ALKBH6: variants seen among roughly 807,000 people sequenced by gnomAD.
The protein encoded by ALKBH6 is probable RNA/DNA demethylase ALKBH6.
A neutral mutation model predicts 25.1 loss-of-function variants in ALKBH6; 20 were observed. The ratio of observed to expected loss-of-function variants is 0.80; its 90% CI spans 0.56 to 1.16. The LOEUF (loss-of-function observed/expected upper bound fraction) is 1.16, where lower values mean the gene tolerates loss of function less well. Among genes scored for constraint, ALKBH6 ranks in the 50% most tolerant of loss-of-function variants. ALKBH6 has a pLI of 0.00. For synonymous variants in ALKBH6, 156 were observed against 147.5 expected (o/e 1.06, Z -0.42); for missense variants, 263 against 326.5 (o/e 0.81, Z 1.50).
At chr19:36,011,174 C>T (rs1968602794) in intron 4 of ALKBH6, 129 bp from the exon 5 acceptor site, 1 of 1,326,214 alleles carries the variant, frequency 7.5e-7, no homozygotes, top group Non-Finnish European at 1.0e-6. Flanking sequence ...CCACTGGGTC[C>T]TTCAGAGGTT....
At position 36,013,965 on chromosome 19, in the gene ALKBH6, G is replaced by A; in HGVS notation, c.-26+210C>T. On this transcript the variant is annotated intron_variant, in intron 1 of 6. Transcript: ENST00000378875. The surrounding 1 kb of genome is among the most constrained non-coding windows in gnomAD (Gnocchi z 4.6). ...ACGCCCCTCGGATTTCCCCTCCTGA[G>A]CGCCCCTTCACTCCAGCACCCTGAG... is the stretch of plus-strand genomic sequence containing the variant. 7.2e-7 allele frequency: 1 copy of A among 1,380,842 alleles called. No individual in the cohort carries two copies. The highest frequency in any genetic ancestry group is 3.0e-5 in the East Asian group (1 of 33,360). The allele number at this position is 1,380,842 out of a possible 1,614,324, so 85.5% of individuals were successfully genotyped here.
chr19:36,009,247 A>C lies in ALKBH6; in HGVS notation c.*43T>G, dbSNP rs958074929. 10 of 1,281,428 alleles carry C rather than the reference A, an allele frequency of 7.8e-6. No individual in the cohort carries two copies. Among genetic ancestry groups the C allele is most frequent in the Non-Finnish European group, 9.9e-6 (10 of 1,015,070 alleles). 79.4% of individuals were successfully genotyped at this position (1,281,428 alleles called of 1,614,324 possible). ...GGTCGCGGAGTCACAGCAGCCCCAAAGGGGCAGGAACCTGGGAATCCGAGG... is the reference window on the plus strand; with the variant it reads ...GGTCGCGGAGTCACAGCAGCCCCAACGGGGCAGGAACCTGGGAATCCGAGG... On this transcript the variant is annotated 3_prime_UTR_variant, in exon 7 of 7. Coordinates refer to ENST00000378875, the MANE Select transcript of ALKBH6 (RefSeq NM_032878.5).
At position 36,009,354 on chromosome 19, in the gene ALKBH6, C is replaced by G; in HGVS notation, c.653G>C (p.Arg218Pro). 1.5e-6 allele frequency: 2 copies of G among 1,306,710 alleles called. No individual in the cohort carries two copies. Among genetic ancestry groups the G allele is most frequent in the Non-Finnish European group, 1.9e-6 (2 of 1,027,332 alleles). 80.9% of individuals were successfully genotyped at this position (1,306,710 alleles called of 1,614,324 possible). A position where few individuals can be genotyped will look rare whatever the true frequency, so the allele number is the denominator to read the frequency against. Residue 218 changes from arginine (R) to proline (P), a missense_variant, in exon 7 of 7, where the codon CGG (arginine) becomes CCG (proline). By Grantham distance (103) the Arg-to-Pro change is moderately radical. This residue lies in a region of ALKBH6 where 148 missense variants were observed against 157.5 expected (regional missense o/e 0.94). Coordinates refer to ENST00000378875, the MANE Select transcript of ALKBH6 (RefSeq NM_032878.5). ...CACGCGGCGGATGGTCAGCGAGACC[C>G]GGGTGCCGCGCACCAGGCAGGCTCC... is the stretch of plus-strand genomic sequence containing the variant. ...RPGACLVRGTRVSLTIRRVPR... is the reference protein window; with the variant it reads ...RPGACLVRGTPVSLTIRRVPR...
Position 36,010,912 on chromosome 19 carries a change from C to G in ALKBH6, c.318G>C (p.Leu106=), listed in dbSNP as rs908047721. 2 of 1,613,968 alleles carry G rather than the reference C, an allele frequency of 1.2e-6. No individual in the cohort carries two copies. The highest frequency in any genetic ancestry group is 1.7e-6 in the Non-Finnish European group (2 of 1,179,944). Residue 106 remains leucine (L), a synonymous_variant, in exon 5 of 7, where the codon CTG becomes CTC. Coordinates refer to ENST00000378875, the MANE Select transcript of ALKBH6 (RefSeq NM_032878.5). This position sits in a 1 kb window ranked among gnomAD's most constrained non-coding sequence, Gnocchi z 5.5. ...PANHVLVNQY[L]PGEGIMPHED... The stretch of plus-strand genomic sequence containing the variant: ...TGGTTACCATGATGCCCTCCCCAGG[C>G]AGATACTGGTTCACGAGGACATGGT...
At position 36,013,733 on chromosome 19, in the gene ALKBH6, A is replaced by G; in HGVS notation, c.-25-311T>C. On this transcript the variant is annotated intron_variant, in intron 1 of 6. Coordinates refer to ENST00000378875, the MANE Select transcript of ALKBH6 (RefSeq NM_032878.5). This position sits in a 1 kb window ranked among gnomAD's most constrained non-coding sequence, Gnocchi z 4.6. Reference sequence around the variant, plus strand: ...CCCCACACACAGGGAGCCTTTCTCAAAAGCTCTACACATAGCCCCCAGGGC... The same window carrying G: ...CCCCACACACAGGGAGCCTTTCTCAGAAGCTCTACACATAGCCCCCAGGGC... 1 of 1,254,998 alleles carries G rather than the reference A, an allele frequency of 8.0e-7. No homozygotes were observed. Among genetic ancestry groups the G allele is most frequent in the Non-Finnish European group, 1.0e-6 (1 of 994,528 alleles). The allele number at this position is 1,254,998 out of a possible 1,614,324, so 77.7% of individuals were successfully genotyped here. A position where few individuals can be genotyped will look rare whatever the true frequency, so the allele number is the denominator to read the frequency against.
Position 36,010,691 on chromosome 19 carries a change from G to T in ALKBH6, c.337-8C>A. The T allele has an allele frequency of 6.2e-7, 1 of 1,612,650 alleles. No individual in the cohort carries two copies. On this transcript the variant is annotated splice_region_variant and splice_polypyrimidine_tract_variant and intron_variant, in intron 5 of 6. Coordinates refer to ENST00000378875, the MANE Select transcript of ALKBH6 (RefSeq NM_032878.5). The surrounding 1 kb of genome is among the most constrained non-coding windows in gnomAD (Gnocchi z 5.5). ...TGGTCCGTCCTCGTGGGGCTAGGGA[G>T]TGGGCACCAGGGCTGGGCAGGGCAG...
chr19:36,009,187 T>C lies in ALKBH6; in HGVS notation c.*103A>G, dbSNP rs187239450. 1.8e-5 allele frequency: 22 copies of C among 1,214,168 alleles called. 1 individual carries two copies. The African/African-American group carries it at 1.9e-4, about 10-fold the overall frequency. The allele number at this position is 1,214,168 out of a possible 1,614,324, so 75.2% of individuals were successfully genotyped here. A position where few individuals can be genotyped will look rare whatever the true frequency, so the allele number is the denominator to read the frequency against. On this transcript the variant is annotated 3_prime_UTR_variant, in exon 7 of 7. Coordinates refer to ENST00000378875, the MANE Select transcript of ALKBH6 (RefSeq NM_032878.5). ...CACACAAAATTATTGGGAAAATAAA[T>C]AACCCAGGGGAGCCCCCTTTGCCCA...
intron 3 of ALKBH6, 49 bp downstream of exon 3, chr19:36,012,972 A>G: frequency 6.5e-7 from 1 of 1,543,480 alleles, no homozygotes; most frequent in Non-Finnish European, 9.0e-7. Context: ...GACATTGGGG[A>G]GGAATATGGG....
At position 36,013,805 on chromosome 19, in the gene ALKBH6, T is replaced by C; in HGVS notation, c.-26+370A>G. 1 of 1,275,706 alleles carries C rather than the reference T, an allele frequency of 7.8e-7. No homozygotes were observed. The allele number at this position is 1,275,706 out of a possible 1,614,324, so 79.0% of individuals were successfully genotyped here. ...ACACCTTGAGACCCCGCTTCAGACC[T>C]GCAACTGTGAGCCCGGCTATCAACA... On this transcript the variant is annotated intron_variant, in intron 1 of 6. Coordinates refer to ENST00000378875, the MANE Select transcript of ALKBH6 (RefSeq NM_032878.5). The surrounding 1 kb of genome is among the most constrained non-coding windows in gnomAD (Gnocchi z 4.6).
At position 36,014,162 on chromosome 19, in the gene ALKBH6, C is replaced by T. The variant is rs1197085655; in HGVS notation, c.-26+13G>A. Reference sequence around the variant, plus strand: ...GACATCCATCTCTACCCCCAGCACTCCCCAAAACTGACCGTCCACCAGCGT... The same window carrying T: ...GACATCCATCTCTACCCCCAGCACTTCCCAAAACTGACCGTCCACCAGCGT... On this transcript the variant is annotated intron_variant, in intron 1 of 6. Coordinates refer to ENST00000378875, the MANE Select transcript of ALKBH6 (RefSeq NM_032878.5). 1 of 1,612,592 alleles carries T rather than the reference C, an allele frequency of 6.2e-7. No individual in the cohort carries two copies. The highest frequency in any genetic ancestry group is 8.5e-7 in the Non-Finnish European group (1 of 1,179,364).
rs565721671 is a variant in ALKBH6, at chr19:36,010,679, T to G, written c.341A>C (p.His114Pro). The change falls in exon 6 of 7, where the codon CAC becomes CCC. Residue 114 changes from histidine to proline, a missense_variant. This residue lies in a region of ALKBH6 where 112 missense variants were observed against 153.0 expected (regional missense o/e 0.73). Transcript: ENST00000378875. The surrounding 1 kb of genome is among the most constrained non-coding windows in gnomAD (Gnocchi z 5.5). ...CGGGTAGTACAGTGGTCCGTCCTCG[T>G]GGGGCTAGGGAGTGGGCACCAGGGC... Reference protein sequence around the residue: ...QYLPGEGIMPHEDGPLYYPTV... With the variant: ...QYLPGEGIMPPEDGPLYYPTV... The G allele has an allele frequency of 6.2e-7, 1 of 1,613,684 alleles. No homozygotes were observed. The highest frequency in any genetic ancestry group is 2.2e-5 in the East Asian group (1 of 44,874).
At chr19:36,011,118 G>T in intron 4 of ALKBH6, 73 bp from the exon 5 acceptor site, 2 of 1,534,054 alleles carry the variant, frequency 1.3e-6, no homozygotes, top group South Asian at 2.4e-5. Context: ...CACAGTGGCT[G>T]GAAGCACCCT....
chr19:36,009,336 CG>C lies in ALKBH6; in HGVS notation c.670del (p.Arg224AlafsTer35). 7.4e-7 allele frequency: 1 copy of C among 1,349,162 alleles called. No individual in the cohort carries two copies. The highest frequency in any genetic ancestry group is 9.5e-7 in the Non-Finnish European group (1 of 1,048,098). 83.6% of individuals were successfully genotyped at this position (1,349,162 alleles called of 1,614,324 possible). A position where few individuals can be genotyped will look rare whatever the true frequency, so the allele number is the denominator to read the frequency against. ...GGCGCGCAGCACGCGGGGCACGCGGCGGATGGTCAGCGAGACCCGGGTGCCG... is the reference window on the plus strand; with the variant it reads ...GGCGCGCAGCACGCGGGGCACGCGGCGATGGTCAGCGAGACCCGGGTGCCG... Reference protein sequence around the residue: ...VRGTRVSLTIRRVPRVLRAGL... With the variant: ...VRGTRVSLTIXRVPRVLRAGL... On this transcript the variant is annotated frameshift_variant, in exon 7 of 7. Coordinates refer to ENST00000378875, the MANE Select transcript of ALKBH6 (RefSeq NM_032878.5). LOFTEE classifies it high-confidence loss of function.
At position 36,010,537 on chromosome 19, in the gene ALKBH6, A is replaced by C. The variant is rs1292468986; in HGVS notation, c.453+30T>G. On this transcript the variant is annotated intron_variant, in intron 6 of 6. Coordinates refer to ENST00000378875, the MANE Select transcript of ALKBH6 (RefSeq NM_032878.5). The surrounding 1 kb of genome is among the most constrained non-coding windows in gnomAD (Gnocchi z 5.5). ...GGATGTGCGAGGTTGAAGTGCCTAC[A>C]AGCAGCTGGGGCAGTGTCTGGGGGC... The C allele has an allele frequency of 3.4e-5, 54 of 1,590,132 alleles. No individual in the cohort carries two copies. Among genetic ancestry groups the C allele is most frequent in the Non-Finnish European group, 4.7e-5 (54 of 1,159,908 alleles).
Position 36,009,568 on chromosome 19 carries a change from G to T in ALKBH6, c.454-15C>A. 1 of 1,241,666 alleles carries T rather than the reference G, an allele frequency of 8.1e-7. No homozygotes were observed. The highest frequency in any genetic ancestry group is 3.9e-5 in the South Asian group (1 of 25,710). 76.9% of individuals were successfully genotyped at this position (1,241,666 alleles called of 1,614,324 possible). On this transcript the variant is annotated splice_polypyrimidine_tract_variant and intron_variant, in intron 6 of 6. Coordinates refer to ENST00000378875, the MANE Select transcript of ALKBH6 (RefSeq NM_032878.5). ...GGAGGCCGAGGCTGCAGGGCGGGTT[G>T]AGGGTCAGCAGGGCTCAAGAAGTCG...
At position 36,009,514 on chromosome 19, in the gene ALKBH6, C is replaced by T; in HGVS notation, c.493G>A (p.Glu165Lys). The T allele has an allele frequency of 6.4e-6, 8 of 1,254,802 alleles. No individual in the cohort carries two copies. The highest frequency in any genetic ancestry group is 8.0e-6 in the Non-Finnish European group (8 of 1,001,350). 77.7% of individuals were successfully genotyped at this position (1,254,802 alleles called of 1,614,324 possible). ...PPRPTTSLLLEPRSLLVLRGP... is the reference protein window; with the variant it reads ...PPRPTTSLLLKPRSLLVLRGP... ...CGGAGCACCAGCAGGCTGCGCGGTT[C>T]CAGCAGTAGCGAGGTGGTGGGCCGG... The change falls in exon 7 of 7, where the codon GAA (glutamate) becomes AAA (lysine). Residue 165 changes from glutamate to lysine, a missense_variant. Coordinates refer to ENST00000378875, the MANE Select transcript of ALKBH6 (RefSeq NM_032878.5).
rs1968698306 is a variant in ALKBH6 at position 36,013,854 on chromosome 19, G to T, written c.-26+321C>A. The T allele has an allele frequency of 8.4e-7, 1 of 1,184,436 alleles. No homozygotes were observed. The highest frequency in any genetic ancestry group is 4.5e-5 in the Admixed American group (1 of 22,064). 73.4% of individuals were successfully genotyped at this position (1,184,436 alleles called of 1,614,324 possible). On this transcript the variant is annotated intron_variant, in intron 1 of 6. Coordinates refer to ENST00000378875, the MANE Select transcript of ALKBH6 (RefSeq NM_032878.5). This position sits in a 1 kb window ranked among gnomAD's most constrained non-coding sequence, Gnocchi z 4.6. ...CACTCAGCGACCCCCGCCCCCCACC[G>T]AATCCCATTCTGTGCACTCCTGTGA... is the stretch of plus-strand genomic sequence containing the variant.
chr19:36,013,365 C>T lies in ALKBH6; in HGVS notation c.33G>A (p.Leu11=), dbSNP rs1486434521. ...CAACCTGCTCCACTCTGAACGGTTC[C>T]AGGGCTGGGACTCTGGCGTCCTGCT... MEEQDARVPA[L]EPFRVEQAPP... The change falls in exon 2 of 7, where the codon CTG becomes CTA. Residue 11 remains leucine, a synonymous_variant. Transcript: ENST00000378875. This position sits in a 1 kb window ranked among gnomAD's most constrained non-coding sequence, Gnocchi z 4.6. The T allele has an allele frequency of 3.1e-6, 5 of 1,614,004 alleles. No individual in the cohort carries two copies. Among genetic ancestry groups the T allele is most frequent in the Non-Finnish European group, 4.2e-6 (5 of 1,179,950 alleles).
chr19:36,011,046 C>G lies in ALKBH6; in HGVS notation c.185-1G>C. 1 of 1,601,228 alleles carries G rather than the reference C, an allele frequency of 6.2e-7. No homozygotes were observed. On this transcript the variant is annotated splice_acceptor_variant, in intron 4 of 6. Transcript: ENST00000378875. LOFTEE classifies it high-confidence loss of function. ...ATCCCTCGGGGATGAGGAAGCCCAC[C>G]TGGGGAAGGCAATGGGGTCCTGAGG...
Sources: allele counts gnomAD v4.1 joint callset, GRCh38; gene constraint gnomAD v4.1.1; regional missense constraint gnomAD v4.1.1; non-coding constraint Gnocchi (gnomAD v3.1); transcripts MANE v1.5; gene names NCBI Gene and HGNC (gene_info 2026-07-23, HGNC 2026-07-21).